PKD1: variants seen among roughly 807,000 people sequenced by gnomAD.
PKD1 encodes the protein polycystin 1, transient receptor potential channel interacting, also known as polycystin-1.
In PKD1, 81 loss-of-function variants were observed where a neutral mutation model predicts 361.7. That is an observed-to-expected ratio of 0.22 (90% CI 0.19 to 0.27). The LOEUF is 0.27. Among genes scored for constraint, PKD1 ranks in the 10% least tolerant of loss-of-function variants. The pLI is 1.00. For missense variants in PKD1, 6,399 were observed against 6,118.3 expected (o/e 1.05, Z -1.53); for synonymous variants, 3,615 against 2,818.3 (o/e 1.28, Z -8.95).
rs142493877 is a variant in PKD1 at position 2,108,937 on chromosome 16, G to A, written c.6230C>T (p.Ala2077Val). The change falls in exon 15 of 46, where the codon GCG becomes GTG. Residue 2077 changes from alanine (A) to valine (V), a missense_variant. By Grantham distance (64) the Ala-to-Val change is moderately conservative (BLOSUM62 0). Transcript: ENST00000262304. ...GGGGCTGGTGGCGGCCTCAAACTGC[G>A]CCGAGCGGTTGGTGAAGCAGGGGCC... is the stretch of plus-strand genomic sequence containing the variant. ...QSGPCFTNRS[A>V]QFEAATSPSP... 1.6e-5 allele frequency: 25 copies of A among 1,602,278 alleles called. No individual in the cohort carries two copies. Among genetic ancestry groups the A allele is most frequent in the African/African-American group, 6.7e-5 (5 of 74,662 alleles).
At chr16:2,127,893 G>A (rs2092819083) in intron 1 of PKD1, among the ~76,000 whole-genome samples, 1 of 138,526 alleles carries the variant, frequency 7.2e-6, no homozygotes, top group African/African-American at 2.7e-5. Context: ...GGACACAGCA[G>A]GGATGAGCCA....
chr16:2,113,883 G>A (rs1280858695), intron 11 of PKD1: 3 of 525,250 alleles, frequency 5.7e-6, no homozygotes, highest in Admixed American at 6.4e-5. Flanking sequence ...GAGGGCGTGA[G>A]AGACTCACGG....
chr16:2,134,015 G>A (rs905935723), intron 1 of PKD1, among the ~76,000 whole-genome samples: 6 of 145,716 alleles, frequency 4.1e-5, no homozygotes, highest in Admixed American at 6.8e-5. Context: ...CTGGGAAGCA[G>A]GAACCACCAG....
Position 2,109,062 on chromosome 16 carries a change from C to G in PKD1, c.6105G>C (p.Leu2035=). The G allele has an allele frequency of 6.2e-7, 1 of 1,606,920 alleles. No individual in the cohort carries two copies. The highest frequency in any genetic ancestry group is 8.5e-7 in the Non-Finnish European group (1 of 1,176,048). The part of the protein sequence containing the change: ...DVTYTPVAAG[L]LEIQVRAFNA... ...TGAAGGCGCGCACCTGGATCTCCAACAGCCCCGCGGCCACGGGCGTGTAGG... is the reference window on the plus strand; with the variant it reads ...TGAAGGCGCGCACCTGGATCTCCAAGAGCCCCGCGGCCACGGGCGTGTAGG... The change falls in exon 15 of 46, where the codon CTG becomes CTC. Residue 2035 remains leucine (L), a synonymous_variant. Coordinates refer to ENST00000262304, the MANE Select transcript of PKD1 (RefSeq NM_001009944.3).
rs774573648 is a variant in PKD1 at position 2,090,752 on chromosome 16, G to T, written c.12060C>A (p.Cys4020Ter). 6.2e-7 allele frequency: 1 copy of T among 1,612,494 alleles called. No homozygotes were observed. Among genetic ancestry groups the T allele is most frequent in the Non-Finnish European group, 8.5e-7 (1 of 1,179,968 alleles). ...CCCCCAGGAGCTCTGGCAGAGCTCG[G>T]CATAATGTCTTGCCAAAGACGGACC... ...RQWSVFGKTL[C>*]RALPELLGVT... Residue 4020 changes from cysteine (C) to a stop codon, truncating the protein, a stop_gained, in exon 44 of 46, where the codon TGC becomes TGA. Coordinates refer to ENST00000262304, the MANE Select transcript of PKD1 (RefSeq NM_001009944.3). LOFTEE classifies it high-confidence loss of function.
intron 34 of PKD1, among the ~76,000 whole-genome samples, chr16:2,096,156 G>A (rs1023679761): frequency 1.3e-5 from 2 of 152,256 alleles, no homozygotes; most frequent in Admixed American, 1.3e-4. Context: ...TGAGAAATGC[G>A]TCATTAGGTA....
intron 9 of PKD1, 52 bp from the exon 10 acceptor site, chr16:2,115,677 A>G (rs1239193101): frequency 1.4e-5 from 22 of 1,551,588 alleles, no homozygotes; most frequent in Non-Finnish European, 1.9e-5. Context: ...GGCCACCGTC[A>G]GAGATGCCCA....
chr16:2,120,166 C>T (rs566190630), intron 1 of PKD1: 64 of 437,228 alleles, frequency 1.5e-4, no homozygotes, highest in African/African-American at 7.8e-4. Context: ...GAGCTGAGAT[C>T]GCATCACTGT....
chr16:2,113,051 G>A (rs2092559929), intron 12 of PKD1, 88 bp from the exon 13 acceptor site: 4 of 1,398,276 alleles, frequency 2.9e-6, no homozygotes, highest in Middle Eastern at 2.4e-4. Context: ...CCACAGCCAT[G>A]GCAGCGTCCT....
chr16:2,098,956 G>A (rs1253042970), intron 30 of PKD1: 10 of 158,848 alleles, frequency 6.3e-5, no homozygotes, highest in Admixed American at 1.7e-4. Flanking sequence ...TCAGCCTCTC[G>A]AGTAGCTGGG....
At chr16:2,113,710 C>A (rs1471299479) in intron 11 of PKD1, 9 of 357,300 alleles carry the variant, frequency 2.5e-5, no homozygotes, top group Non-Finnish European at 4.2e-5. Flanking sequence ...TTCTGATGGC[C>A]CCTCCCAAGG....
chr16:2,114,687 G>A lies in PKD1; in HGVS notation c.2336C>T (p.Thr779Ile), dbSNP rs1405824735. The A allele has an allele frequency of 2.6e-6, 4 of 1,539,422 alleles. No homozygotes were observed. The highest frequency in any genetic ancestry group is 2.4e-5 in the East Asian group (1 of 41,256). The change falls in exon 11 of 46, where the codon ACC (threonine) becomes ATC (isoleucine). Residue 779 changes from threonine (T) to isoleucine (I), a missense_variant. Coordinates refer to ENST00000262304, the MANE Select transcript of PKD1 (RefSeq NM_001009944.3). ...LRLLAATEQLTVLLGLRPNPG... is the reference protein window; with the variant it reads ...LRLLAATEQLIVLLGLRPNPG... ...GTTGGGCCTCAAGCCCAGCAGCACG[G>A]TGAGCTGTTCCGTGGCTGCAAGCAG...
At position 2,105,891 on chromosome 16, in the gene PKD1, A is replaced by G. The variant is rs770236839; in HGVS notation, c.7837T>C (p.Leu2613=). The part of the protein sequence containing the change: ...ADPQHVIEYS[L]ALVTVLNEYE... ...TCGTTCAGCACGGTGACCAGGGCCA[A>G]CGAGTACTCGATGACGTGCTGGGGA... The change falls in exon 20 of 46, where the codon TTG becomes CTG. Residue 2613 remains leucine, a synonymous_variant. Coordinates refer to ENST00000262304, the MANE Select transcript of PKD1 (RefSeq NM_001009944.3). 11 of 1,594,872 alleles carry G rather than the reference A, an allele frequency of 6.9e-6. No homozygotes were observed. In the African/African-American group the frequency reaches 1.3e-4, roughly 19 times the overall value.
In PKD1 at chr16:2,094,023, CAG is replaced by C. The variant is rs1287879038; in HGVS notation, c.10619-12_10619-11del. On this transcript the variant is annotated splice_polypyrimidine_tract_variant and intron_variant, in intron 35 of 45. Coordinates refer to ENST00000262304, the MANE Select transcript of PKD1 (RefSeq NM_001009944.3). ...AGACCCTCCACCAGTCCTGGGGAAGCAGAGACAGACCTGTGAGAGGCAGCTCA... is the reference window on the plus strand; with the variant it reads ...AGACCCTCCACCAGTCCTGGGGAAGCAGACAGACCTGTGAGAGGCAGCTCA... 3.1e-6 allele frequency: 5 copies of C among 1,590,568 alleles called. No individual in the cohort carries two copies. The highest frequency in any genetic ancestry group is 4.3e-6 in the Non-Finnish European group (5 of 1,169,566).
chr16:2,101,280 G>A (rs113499137), intron 26 of PKD1, among the ~76,000 whole-genome samples: 2 of 152,194 alleles, frequency 1.3e-5, no homozygotes, highest in African/African-American at 2.4e-5. Context: ...CACCGCGCCC[G>A]GCCGACAGTT....
chr16:2,094,197 C>T lies in PKD1; in HGVS notation c.10513G>A (p.Gly3505Arg), dbSNP rs754669598. Reference protein sequence around the residue: ...DLLSSLSSTPGEKTETLALQR... With the variant: ...DLLSSLSSTPREKTETLALQR... ...AGCGCCAGCGTCTCTGTCTTCTCCC[C>T]AGGAGTGCTGGACCTGAGGGACATG... is the stretch of plus-strand genomic sequence containing the variant. The change falls in exon 35 of 46, where the codon GGG (glycine) becomes AGG (arginine). Residue 3505 changes from glycine (G) to arginine (R), a missense_variant. Transcript: ENST00000262304. The T allele has an allele frequency of 1.2e-6, 2 of 1,601,050 alleles. No homozygotes were observed. The highest frequency in any genetic ancestry group is 2.2e-5 in the East Asian group (1 of 44,800).
intron 34 of PKD1, among the ~76,000 whole-genome samples, chr16:2,096,601 C>T (rs2091858780): frequency 6.6e-6 from 1 of 152,128 alleles, no homozygotes; most frequent in Admixed American, 6.5e-5. Flanking sequence ...CTACAACCTT[C>T]ACCTACCAGG....
rs960035220 is a variant in PKD1 at position 2,109,955 on chromosome 16, G to A, written c.5212C>T (p.Leu1738Phe). ...NPAAVNTSVT[L>F]SAELAGGSGV... ...CTGCCACCAGCCAGCTCGGCACTGAGGGTGACGCTTGTGTTGACGGCAGCT... is the reference window on the plus strand; with the variant it reads ...CTGCCACCAGCCAGCTCGGCACTGAAGGTGACGCTTGTGTTGACGGCAGCT... Residue 1738 changes from leucine (L) to phenylalanine (F), a missense_variant, in exon 15 of 46, where the codon CTC becomes TTC. By Grantham distance (22) the Leu-to-Phe change is conservative. Transcript: ENST00000262304. 9.3e-6 allele frequency: 15 copies of A among 1,609,976 alleles called. No homozygotes were observed. The highest frequency in any genetic ancestry group is 1.7e-6 in the Non-Finnish European group (2 of 1,179,434).
Position 2,106,612 on chromosome 16 carries a change from G to T in PKD1, c.7275C>A (p.Gly2425=). ...LVLDETTTST[G]SAGMRLVLRR... ...GCAGCACCAGTCGCATGCCTGCACT[G>T]CCCGTGGATGTGGTGGTCTCATCCA... The change falls in exon 18 of 46, where the codon GGC becomes GGA. Residue 2425 remains glycine, a synonymous_variant. Coordinates refer to ENST00000262304, the MANE Select transcript of PKD1 (RefSeq NM_001009944.3). This position sits in a 1 kb window ranked among gnomAD's most constrained non-coding sequence, Gnocchi z 6.5. The T allele has an allele frequency of 6.3e-7, 1 of 1,598,408 alleles. No individual in the cohort carries two copies.
Sources: gnomAD v4.1 joint callset for allele counts (sites outside exome capture counted in the v4.1 genomes callset) on GRCh38, gnomAD v4.1.1 for gene constraint, Gnocchi (gnomAD v3.1) non-coding constraint, MANE v1.5 for transcripts, NCBI Gene and HGNC (gene_info 2026-07-23, HGNC 2026-07-21) for gene names.